The following CEP97 variants were observed in gnomAD, a reference collection of about 807,000 sequenced individuals.
The protein encoded by CEP97 is centrosomal protein of 97 kDa.
Under a neutral mutation model 73.1 loss-of-function variants are expected in CEP97, and 43 were observed. The observed-to-expected ratio is 0.59, with a 90% CI of 0.46 to 0.76. The LOEUF is 0.76. CEP97 is among the 30% of genes least tolerant of loss of function. CEP97 has a pLI of 0.00. For synonymous variants in CEP97, 337 were observed against 370.0 expected (o/e 0.91, Z 1.02); for missense variants, 939 against 1,014.0 (o/e 0.93, Z 1.00).
chr3:101,759,574 T>G (rs984790768), intron 9 of CEP97: 1 of 152,262 alleles, frequency 6.6e-6, no homozygotes, highest in African/African-American at 2.4e-5. Flanking sequence ...AATCATTGAT[T>G]GCCTAAACTA....
At position 101,765,453 on chromosome 3, in the gene CEP97, C is replaced by G; in HGVS notation, c.2500C>G (p.Gln834Glu). Reference sequence around the variant, plus strand: ...TCCTCCTTTGCAAGGTGAAATTAGCCAGACACAAGAGAATTCTAAATTAAA... The same window carrying G: ...TCCTCCTTTGCAAGGTGAAATTAGCGAGACACAAGAGAATTCTAAATTAAA... ...ISPPLQGEIS[Q>E]TQENSKLNAE... Residue 834 changes from glutamine to glutamate, a missense_variant, in exon 11 of 11, where the codon CAG (glutamine) becomes GAG (glutamate). Physicochemically the swap from Gln to Glu is conservative, Grantham distance 29. Transcript: ENST00000341893. 1 of 1,614,082 alleles carries G rather than the reference C, an allele frequency of 6.2e-7. No individual in the cohort carries two copies. Among genetic ancestry groups the G allele is most frequent in the Non-Finnish European group, 8.5e-7 (1 of 1,180,006 alleles).
Position 101,746,733 on chromosome 3 carries a change from C to G in CEP97, c.729-8697C>G, listed in dbSNP as rs1437515282. Among the ~76,000 whole-genome samples the G allele has an allele frequency of 8.5e-5, 13 of 152,072 alleles. No homozygotes were observed. The East Asian group carries it at 1.4e-3, about 16-fold the overall frequency. ...CAGCAAAAGAAACTACCATCAGAGT[C>G]AACAGGCAACCTACAAAATGGGAGA... On this transcript the variant is annotated intron_variant, in intron 6 of 10. Coordinates refer to ENST00000341893, the MANE Select transcript of CEP97 (RefSeq NM_024548.4).
chr3:101,739,853 T>C (rs1938395503), intron 6 of CEP97, among the ~76,000 whole-genome samples: 2 of 150,262 alleles, frequency 1.3e-5, no homozygotes, highest in Admixed American at 6.7e-5. Flanking sequence ...TGCAGTGAGC[T>C]GAGATCACAC....
Position 101,764,873 on chromosome 3 carries a change from G to T in CEP97, c.1920G>T (p.Gln640His). The T allele has an allele frequency of 6.2e-7, 1 of 1,612,016 alleles. No homozygotes were observed. Among genetic ancestry groups the T allele is most frequent in the South Asian group, 1.1e-5 (1 of 90,638 alleles). ...NQVRSLQVWQ[Q>H]TVDQRLSSWH... The stretch of plus-strand genomic sequence containing the variant: ...TAAGGTCTCTACAGGTTTGGCAACA[G>T]ACAGTGGACCAGCGTCTAAGTTCCT... The change falls in exon 11 of 11, where the codon CAG (glutamine) becomes CAT (histidine). Residue 640 changes from glutamine to histidine, a missense_variant. Coordinates refer to ENST00000341893, the MANE Select transcript of CEP97 (RefSeq NM_024548.4).
At chr3:101,758,725 A>T in intron 9 of CEP97, 2 of 274,888 alleles carry the variant, frequency 7.3e-6, no homozygotes, top group Non-Finnish European at 1.4e-5. Context: ...TACAGAAAAC[A>T]TTGAAAAACC....
intron 1 of CEP97, among the ~76,000 whole-genome samples, chr3:101,725,122 C>T (rs138641130): frequency 6.6e-6 from 1 of 152,312 alleles, no homozygotes; most frequent in South Asian, 2.1e-4. Context: ...TTCCTGGAAC[C>T]ATCAGGAAAA....
intron 6 of CEP97, among the ~76,000 whole-genome samples, chr3:101,733,553 C>T (rs1187902164): frequency 2.9e-4 from 43 of 150,572 alleles, no homozygotes; most frequent in African/African-American, 8.3e-4. Flanking sequence ...TTTTTTGAGA[C>T]GGAGTCTCGC....
chr3:101,744,848 T>G (rs1938566375), intron 6 of CEP97, among the ~76,000 whole-genome samples: 1 of 152,228 alleles, frequency 6.6e-6, no homozygotes, highest in South Asian at 2.1e-4. Flanking sequence ...GGAAGGAATT[T>G]TCAGTTTTTA....
intron 6 of CEP97, among the ~76,000 whole-genome samples, chr3:101,754,919 T>C (rs953922742): frequency 2.8e-5 from 4 of 143,150 alleles, no homozygotes; most frequent in Non-Finnish European, 4.6e-5. Context: ...TTTTGAGGGG[T>C]GGACTATAAG....
chr3:101,749,793 CT>C (rs1414046618), intron 6 of CEP97, among the ~76,000 whole-genome samples: 4 of 140,926 alleles, frequency 2.8e-5, no homozygotes, highest in Non-Finnish European at 4.6e-5. Flanking sequence ...TAAATGTCTT[CT>C]TTTGAGAAGT....
chr3:101,757,620 G>A lies in CEP97; in HGVS notation c.1028-14G>A. 6.2e-7 allele frequency: 1 copy of A among 1,602,780 alleles called. No homozygotes were observed. Among genetic ancestry groups the A allele is most frequent in the African/African-American group, 1.3e-5 (1 of 74,754 alleles). ...CATTTAGTGGTTTAAATGATACTCT[G>A]TTGATTCTTCTAGAACCCGTCATTC... On this transcript the variant is annotated splice_polypyrimidine_tract_variant and intron_variant, in intron 8 of 10. Coordinates refer to ENST00000341893, the MANE Select transcript of CEP97 (RefSeq NM_024548.4).
At chr3:101,727,797 T>G (rs1033953653) in intron 3 of CEP97, among the ~76,000 whole-genome samples, 9 of 152,236 alleles carry the variant, frequency 5.9e-5, no homozygotes, top group African/African-American at 1.9e-4. Flanking sequence ...GGAGACTATA[T>G]CATGCTGAAT....
At chr3:101,748,854 A>C (rs1403511787) in intron 6 of CEP97, among the ~76,000 whole-genome samples, 1 of 152,034 alleles carries the variant, frequency 6.6e-6, no homozygotes, top group African/African-American at 2.4e-5. Context: ...GTTAGCCAGG[A>C]TGGTCTCAAT....
intron 4 of CEP97, among the ~76,000 whole-genome samples, chr3:101,730,928 G>T (rs1282171197): frequency 1.3e-5 from 2 of 150,990 alleles, no homozygotes; most frequent in Non-Finnish European, 1.5e-5. Flanking sequence ...GATGCTAAGA[G>T]AATTCAAATG....
chr3:101,768,458 T>G lies in CEP97; in HGVS notation c.*2907T>G, dbSNP rs778639939. On this transcript the variant is annotated 3_prime_UTR_variant, in exon 11 of 11. Coordinates refer to ENST00000341893, the MANE Select transcript of CEP97 (RefSeq NM_024548.4). ...AGAGTTGCTTGTAGAAAATAACTAA[T>G]TCCTTCAGAACCCTGAGTGAATTTT... The G allele has an allele frequency of 1.6e-4, 25 of 152,202 alleles. No individual in the cohort carries two copies. The highest frequency in any genetic ancestry group is 3.7e-4 in the Non-Finnish European group (25 of 68,026). The allele number at this position is 152,202 out of a possible 1,614,324, so 9.4% of individuals were successfully genotyped here.
chr3:101,726,517 TA>T (rs1386617617), intron 1 of CEP97, 76 bp from the exon 2 acceptor site: 2 of 1,072,208 alleles, frequency 1.9e-6, no homozygotes, highest in Non-Finnish European at 2.6e-6. Context: ...AGAGATTTTA[TA>T]ATTCCAGCCC....
At chr3:101,733,275 G>A (rs1576678227) in intron 6 of CEP97, among the ~76,000 whole-genome samples, 1 of 152,170 alleles carries the variant, frequency 6.6e-6, no homozygotes, top group African/African-American at 2.4e-5. Context: ...TATAGATCCT[G>A]TGTAGGATCT....
intron 10 of CEP97, 109 bp from the exon 11 acceptor site, chr3:101,764,738 G>A: frequency 1.1e-6 from 1 of 892,772 alleles, no homozygotes; most frequent in Non-Finnish European, 1.7e-6. Context: ...AGCCATGATT[G>A]TGCTGCTGCA....
chr3:101,764,776 C>G, intron 10 of CEP97, 71 bp from the exon 11 acceptor site: 1 of 1,375,776 alleles, frequency 7.3e-7, no homozygotes, highest in Non-Finnish European at 9.8e-7. Flanking sequence ...GAGCGAGACC[C>G]TGTCTCAAAA....
Sources: allele counts gnomAD v4.1 joint callset (sites outside exome capture counted in the v4.1 genomes callset), GRCh38; gene constraint gnomAD v4.1.1; transcripts MANE v1.5; gene names NCBI Gene and HGNC (gene_info 2026-07-23, HGNC 2026-07-21).